Variants in RNF10 observed in about 807,000 individuals in gnomAD.
RNF10 encodes the protein ring finger protein 10.
In RNF10, 38 loss-of-function variants were observed where a neutral mutation model predicts 91.4. The observed-to-expected ratio is 0.42, with a 90% CI of 0.32 to 0.54. RNF10 has a LOEUF of 0.54. Among genes scored for constraint, RNF10 ranks in the 20% least tolerant of loss-of-function variants. The probability of loss-of-function intolerance (pLI) is 0.16; values close to 1 mark genes in which losing one functional copy is unlikely to be tolerated. For missense variants in RNF10, 945 were observed against 1,012.0 expected (o/e 0.93, Z 0.90); for synonymous variants, 364 against 366.3 (o/e 0.99, Z 0.07).
At position 120,576,724 on chromosome 12, in the gene RNF10, C is replaced by A. The variant is rs1877447346; in HGVS notation, c.*58C>A. 3 of 1,589,318 alleles carry A rather than the reference C, an allele frequency of 1.9e-6. No individual in the cohort carries two copies. The highest frequency in any genetic ancestry group is 2.2e-5 in the East Asian group (1 of 44,550). On this transcript the variant is annotated 3_prime_UTR_variant, in exon 17 of 17. Transcript: ENST00000325954. ...TTTTTGTTTTTGTTTTTTTTTCCCC[C>A]ATGCTTTTGTTTGGCTGCTGTAATT...
intron 8 of RNF10, 93 bp downstream of exon 8, chr12:120,563,163 G>C (rs1341321260): frequency 4.5e-6 from 7 of 1,569,508 alleles, no homozygotes; most frequent in Admixed American, 1.7e-5. Context: ...CTTCTCAAGA[G>C]AAGAGGGGAC....
chr12:120,561,430 A>C (rs1874825670), intron 7 of RNF10, among the ~76,000 whole-genome samples: 1 of 152,170 alleles, frequency 6.6e-6, no homozygotes, highest in Admixed American at 6.5e-5. Context: ...TGAGATATTG[A>C]TTGCATAGGT....
At chr12:120,551,777 G>A (rs533473090) in intron 2 of RNF10, among the ~76,000 whole-genome samples, 1 of 152,234 alleles carries the variant, frequency 6.6e-6, no homozygotes, top group East Asian at 1.9e-4. Context: ...GTGCAGGTGT[G>A]CATTACCGTT....
chr12:120,577,171 A>G lies in RNF10; in HGVS notation c.*505A>G. 1 of 451,662 alleles carries G rather than the reference A, an allele frequency of 2.2e-6. No individual in the cohort carries two copies. Among genetic ancestry groups the G allele is most frequent in the South Asian group, 1.6e-5 (1 of 63,056 alleles). 28.0% of individuals were successfully genotyped at this position (451,662 alleles called of 1,614,324 possible). On this transcript the variant is annotated 3_prime_UTR_variant, in exon 17 of 17. Coordinates refer to ENST00000325954, the MANE Select transcript of RNF10 (RefSeq NM_014868.5). ...GGAATAAAATGGATTTAGGACACCCAGTTTGAATTGCAGTTTTTTTTTTTC... is the reference window on the plus strand; with the variant it reads ...GGAATAAAATGGATTTAGGACACCCGGTTTGAATTGCAGTTTTTTTTTTTC...
At chr12:120,568,774 C>A (rs1207426141) in intron 13 of RNF10, among the ~76,000 whole-genome samples, 1 of 151,978 alleles carries the variant, frequency 6.6e-6, no homozygotes, top group Non-Finnish European at 1.5e-5. Flanking sequence ...CTGTGCCCAG[C>A]CTGTTTGTTT....
chr12:120,535,155 A>G (rs1870561048), intron 1 of RNF10, among the ~76,000 whole-genome samples, 187 bp downstream of exon 1: 1 of 152,232 alleles, frequency 6.6e-6, no homozygotes. Context: ...TACGTGGATC[A>G]TTTACATTAA....
chr12:120,569,599 C>T (rs1394592577), intron 13 of RNF10, among the ~76,000 whole-genome samples: 2 of 136,484 alleles, frequency 1.5e-5, no homozygotes, highest in South Asian at 2.3e-4. Flanking sequence ...TGGCACAAGG[C>T]ACAATCTCGG....
chr12:120,558,684 T>C (rs1049340331), intron 6 of RNF10, among the ~76,000 whole-genome samples: 38 of 151,242 alleles, frequency 2.5e-4, no homozygotes, highest in Non-Finnish European at 8.8e-5. Flanking sequence ...TTCTCGTGCC[T>C]CAGCCTCCCG....
intron 2 of RNF10, among the ~76,000 whole-genome samples, chr12:120,550,583 G>A (rs73403991): frequency 0.031 from 4,709 of 151,534 alleles, 236 homozygotes; most frequent in African/African-American, 0.11. Context: ...AGAATGTGGC[G>A]TTTTTTTGTT....
intron 6 of RNF10, among the ~76,000 whole-genome samples, chr12:120,560,173 CAG>C (rs1874643257): frequency 7.5e-6 from 1 of 132,562 alleles, no homozygotes; most frequent in East Asian, 2.5e-4. Flanking sequence ...TTTTTTGAGA[CAG>C]AGTTTCGCTT....
intron 1 of RNF10, among the ~76,000 whole-genome samples, chr12:120,540,033 C>T (rs1325843797): frequency 2.0e-5 from 3 of 150,898 alleles, no homozygotes; most frequent in Non-Finnish European, 4.4e-5. Context: ...TGGGTTTCGC[C>T]ATGTTGGCCA....
intron 1 of RNF10, among the ~76,000 whole-genome samples, chr12:120,536,224 C>T (rs1290945069): frequency 6.6e-6 from 1 of 151,758 alleles, no homozygotes; most frequent in African/African-American, 2.4e-5. Flanking sequence ...GAGTTTCACA[C>T]CAGCTTGGGC....
At chr12:120,554,515 A>C in intron 3 of RNF10, 1 of 536,864 alleles carries the variant, frequency 1.9e-6, no homozygotes, top group Non-Finnish European at 3.4e-6. Flanking sequence ...CAGTTCATGG[A>C]TTTAGACTTC....
rs757950187 is a variant in RNF10, at chr12:120,534,986, G to T, written c.157+18G>T. 1 of 1,582,462 alleles carries T rather than the reference G, an allele frequency of 6.3e-7. No individual in the cohort carries two copies. The highest frequency in any genetic ancestry group is 1.8e-5 in the Admixed American group (1 of 56,862). On this transcript the variant is annotated intron_variant, in intron 1 of 16. Coordinates refer to ENST00000325954, the MANE Select transcript of RNF10 (RefSeq NM_014868.5). ...CAAGAGCGGTAAGGACGGGCCTGCG[G>T]CAGTGGGCGGGGGCGACTGCCCCTG...
chr12:120,535,731 G>A (rs1870679205), intron 1 of RNF10, among the ~76,000 whole-genome samples: 1 of 152,148 alleles, frequency 6.6e-6, no homozygotes, highest in Non-Finnish European at 1.5e-5. Context: ...AACAGGGAAG[G>A]TTTTATTTCT....
intron 2 of RNF10, among the ~76,000 whole-genome samples, 200 bp downstream of exon 2, chr12:120,546,801 T>C (rs1337364395): frequency 6.6e-6 from 1 of 152,192 alleles, no homozygotes; most frequent in Non-Finnish European, 1.5e-5. Context: ...AAAATTTCTT[T>C]GGAGGAAGGA....
rs571133541 is a variant in RNF10, at chr12:120,577,159, T to A, written c.*493T>A. On this transcript the variant is annotated 3_prime_UTR_variant, in exon 17 of 17. Coordinates refer to ENST00000325954, the MANE Select transcript of RNF10 (RefSeq NM_014868.5). ...GAAACAGGGGTGGGAATAAAATGGA[T>A]TTAGGACACCCAGTTTGAATTGCAG... The A allele has an allele frequency of 1.7e-4, 78 of 452,182 alleles. No individual in the cohort carries two copies. The highest frequency in any genetic ancestry group is 1.6e-3 in the Middle Eastern group (5 of 3,056). 28.0% of individuals were successfully genotyped at this position (452,182 alleles called of 1,614,324 possible).
intron 14 of RNF10, among the ~76,000 whole-genome samples, chr12:120,572,610 T>G (rs1876807818): frequency 6.6e-6 from 1 of 151,974 alleles, no homozygotes; most frequent in Non-Finnish European, 1.5e-5. Flanking sequence ...TTTGTTTTGT[T>G]TTGAGTTGAA....
At chr12:120,564,005 A>G (rs1875309716) in intron 10 of RNF10, 62 bp downstream of exon 10, 1 of 1,585,396 alleles carries the variant, frequency 6.3e-7, no homozygotes, top group Non-Finnish European at 8.6e-7. Flanking sequence ...TCTTTGAGGT[A>G]GGCCTAGCCA....
Sources: allele counts gnomAD v4.1 joint callset (sites outside exome capture counted in the v4.1 genomes callset), GRCh38; gene constraint gnomAD v4.1.1; transcripts MANE v1.5; gene names NCBI Gene and HGNC (gene_info 2026-07-23, HGNC 2026-07-21).